Variants in STK32B observed in about 807,000 individuals in gnomAD.
STK32B encodes serine/threonine-protein kinase 32B.
In STK32B, 43 loss-of-function variants were observed where a neutral mutation model predicts 52.6. That is an observed-to-expected ratio of 0.82 (90% CI 0.64 to 1.05). The LOEUF is 1.05. STK32B is among the 50% of genes least tolerant of loss of function. STK32B has a pLI of 0.00. For missense variants in STK32B, 621 were observed against 534.6 expected, an observed-to-expected ratio of 1.16 and a Z score of -1.59; for synonymous variants, 238 against 204.3, an observed-to-expected ratio of 1.17 and a Z score of -1.41.
At chr4:5,024,742 G>A in the STK32B span, among the ~76,000 whole-genome samples, 5 of 152,328 alleles carry the variant, frequency 3.3e-5, no homozygotes, top group African/African-American at 7.2e-5. Context: ...TTCTGCCCAC[G>A]TTAGAGCAAG....
intron 3 of STK32B, among the ~76,000 whole-genome samples, chr4:5,297,159 T>C (rs1358015383): frequency 6.6e-6 from 1 of 152,216 alleles, no homozygotes; most frequent in East Asian, 1.9e-4. Context: ...ATTAGTCTGA[T>C]GGGCTTCCCT....
At chr4:5,177,729 A>G (rs1720030865) in intron 3 of STK32B, among the ~76,000 whole-genome samples, 1 of 152,218 alleles carries the variant, frequency 6.6e-6, no homozygotes, top group African/African-American at 2.4e-5. Context: ...AATTGGCCAA[A>G]ACAGGGGGGC....
chr4:5,167,225 C>T (rs1718947164), intron 2 of STK32B, among the ~76,000 whole-genome samples: 1 of 152,212 alleles, frequency 6.6e-6, no homozygotes, highest in African/African-American at 2.4e-5. Context: ...AAGGCAGTCG[C>T]TCAGAAGTCC....
chr4:5,047,193 A>G (rs1195363334), upstream of STK32B, among the ~76,000 whole-genome samples: 4 of 152,220 alleles, frequency 2.6e-5, no homozygotes, highest in Non-Finnish European at 2.9e-5. Flanking sequence ...TTGCAGGGAC[A>G]TGGATGAAGC....
At chr4:5,383,398 G>T (rs754084486) in intron 4 of STK32B, among the ~76,000 whole-genome samples, 2 of 152,152 alleles carry the variant, frequency 1.3e-5, no homozygotes, top group African/African-American at 2.4e-5. Context: ...CTGACCACTG[G>T]AGCTTCATGT....
intron 4 of STK32B, among the ~76,000 whole-genome samples, chr4:5,381,493 T>C (rs1735927590): frequency 6.6e-6 from 1 of 152,168 alleles, no homozygotes; most frequent in African/African-American, 2.4e-5. Flanking sequence ...CAAGGGGCTT[T>C]CGATTGAATG....
chr4:5,311,914 A>G (rs187737804), intron 3 of STK32B, among the ~76,000 whole-genome samples: 1 of 145,410 alleles, frequency 6.9e-6, no homozygotes, highest in Non-Finnish European at 1.5e-5. Flanking sequence ...ATATATATAT[A>G]TTTTTTTTTA....
chr4:5,493,143 C>T (rs1444466622), intron 11 of STK32B, among the ~76,000 whole-genome samples: 1 of 151,790 alleles, frequency 6.6e-6, no homozygotes, highest in Non-Finnish European at 1.5e-5. Flanking sequence ...GGAATAGTTT[C>T]AGAAGGAATG....
intron 1 of STK32B, among the ~76,000 whole-genome samples, chr4:5,129,937 G>A (rs777923834): frequency 2.0e-5 from 3 of 152,024 alleles, no homozygotes; most frequent in Non-Finnish European, 4.4e-5. Context: ...CACTGTTCTA[G>A]GTGCTTGGGA....
At chr4:5,430,670 C>G (rs968679406) in intron 6 of STK32B, among the ~76,000 whole-genome samples, 1 of 152,118 alleles carries the variant, frequency 6.6e-6, no homozygotes, top group Non-Finnish European at 1.5e-5. Flanking sequence ...TGGAAATGGA[C>G]ATGTTTCTTT....
chr4:5,108,809 T>G (rs1032346637), intron 1 of STK32B, among the ~76,000 whole-genome samples: 4 of 152,184 alleles, frequency 2.6e-5, no homozygotes, highest in African/African-American at 7.2e-5. Flanking sequence ...AGTAGGCTCT[T>G]TTTTTACCCT....
rs1463510072 is a variant in STK32B at position 5,470,814 on chromosome 4, A to G, written c.1106+2744A>G. 6.6e-6 allele frequency among the ~76,000 whole-genome samples: 1 copy of G among 152,232 alleles called. No individual in the cohort carries two copies. Among genetic ancestry groups the G allele is most frequent in the Non-Finnish European group, 1.5e-5 (1 of 68,040 alleles). On this transcript the variant is annotated intron_variant, in intron 11 of 11. Transcript: ENST00000282908. The surrounding 1 kb of genome is among the most constrained non-coding windows in gnomAD (Gnocchi z 4.6). ...CTGTTTATCCTTCACTTCTGTCTGGAATCCCATGTTAGAGGCACTGCTGGC... is the reference window on the plus strand; with the variant it reads ...CTGTTTATCCTTCACTTCTGTCTGGGATCCCATGTTAGAGGCACTGCTGGC...
At chr4:5,493,893 G>C (rs537592481) in intron 11 of STK32B, among the ~76,000 whole-genome samples, 20 of 152,356 alleles carry the variant, frequency 1.3e-4, no homozygotes, top group African/African-American at 4.8e-4. Context: ...GTGGTTTTGC[G>C]TTAGTTTCTT....
At chr4:5,267,557 C>A (rs961336645) in intron 3 of STK32B, among the ~76,000 whole-genome samples, 1 of 152,086 alleles carries the variant, frequency 6.6e-6, no homozygotes, top group Non-Finnish European at 1.5e-5. Flanking sequence ...AATGAAAGCT[C>A]CAGTAAATTA....
chr4:5,416,149 C>G (rs1712144128), intron 5 of STK32B, among the ~76,000 whole-genome samples: 1 of 152,180 alleles, frequency 6.6e-6, no homozygotes, highest in African/African-American at 2.4e-5. Flanking sequence ...TCCCAAAAAA[C>G]AAGTACTGAC....
At chr4:5,197,155 A>T (rs1182251204) in intron 3 of STK32B, among the ~76,000 whole-genome samples, 2 of 152,178 alleles carry the variant, frequency 1.3e-5, no homozygotes, top group Admixed American at 6.5e-5. Flanking sequence ...ATAGGGAGGG[A>T]CAATAGGGAG....
intron 3 of STK32B, among the ~76,000 whole-genome samples, chr4:5,189,546 C>T (rs1721019211): frequency 6.6e-6 from 1 of 152,116 alleles, no homozygotes; most frequent in Non-Finnish European, 1.5e-5. Context: ...GTTTATTTAC[C>T]TGGTAGCCTA....
At chr4:5,389,474 C>T (rs763714587) in intron 4 of STK32B, among the ~76,000 whole-genome samples, 5 of 152,148 alleles carry the variant, frequency 3.3e-5, no homozygotes, top group Admixed American at 6.5e-5. Context: ...TTCACAAGAC[C>T]GTTCCTCTGC....
At chr4:5,326,832 A>G (rs1383209507) in intron 3 of STK32B, among the ~76,000 whole-genome samples, 1 of 152,206 alleles carries the variant, frequency 6.6e-6, no homozygotes, top group Non-Finnish European at 1.5e-5. Flanking sequence ...TTCCACGATG[A>G]TGGAGTCTTC....
Sources: allele counts gnomAD v4.1 joint callset (sites outside exome capture counted in the v4.1 genomes callset), GRCh38; gene constraint gnomAD v4.1.1; non-coding constraint Gnocchi (gnomAD v3.1); transcripts MANE v1.5; gene names NCBI Gene and HGNC (gene_info 2026-07-23, HGNC 2026-07-21).